CHRM3: variants seen among roughly 807,000 people sequenced by gnomAD.
CHRM3 encodes the protein cholinergic receptor muscarinic 3.
In CHRM3, 11 loss-of-function variants were observed where a neutral mutation model predicts 41.8. The observed-to-expected ratio is 0.26, with a 90% CI of 0.17 to 0.44. CHRM3 has a LOEUF of 0.44. CHRM3 is among the 20% of genes least tolerant of loss of function. The probability of loss-of-function intolerance (pLI) is 1.00; values close to 1 mark genes in which losing one functional copy is unlikely to be tolerated. For synonymous variants in CHRM3, 297 were observed against 301.4 expected, an observed-to-expected ratio of 0.99 and a Z score of 0.15; for missense variants, 571 against 745.4, an observed-to-expected ratio of 0.77 and a Z score of 2.72.
In CHRM3 at chr1:239,575,510, C is replaced by T. The variant is rs916748266; in HGVS notation, c.-313+29761C>T. On this transcript the variant is annotated intron_variant, in intron 3 of 6. Coordinates refer to ENST00000676153, the MANE Select transcript of CHRM3 (RefSeq NM_001375978.1). ...AGTATTTGTTTGGCTTACTGTGTCT[C>T]TGAATTAATAGGGGTTCATGTTTTC... Among the ~76,000 whole-genome samples the T allele has an allele frequency of 3.9e-5, 6 of 152,144 alleles. No homozygotes were observed. In the South Asian group the frequency reaches 1.2e-3, roughly 31 times the overall value.
At chr1:239,564,459 T>C (rs552685621) in intron 3 of CHRM3, among the ~76,000 whole-genome samples, 1 of 152,322 alleles carries the variant, frequency 6.6e-6, no homozygotes, top group Admixed American at 6.5e-5. Context: ...GATTATCTTT[T>C]GTATTTTAAT....
At chr1:239,474,699 G>C (rs913824284) in intron 1 of CHRM3, among the ~76,000 whole-genome samples, 2 of 152,086 alleles carry the variant, frequency 1.3e-5, no homozygotes, top group African/African-American at 4.8e-5. Flanking sequence ...AACTAATTTA[G>C]TGTAGTGAAA....
At chr1:239,572,168 A>G (rs1661888179) in intron 3 of CHRM3, among the ~76,000 whole-genome samples, 1 of 152,182 alleles carries the variant, frequency 6.6e-6, no homozygotes, top group Non-Finnish European at 1.5e-5. Context: ...GCTTCCATAT[A>G]TGCAGGGGAA....
At chr1:239,766,547 T>G (rs1036526522) in intron 5 of CHRM3, among the ~76,000 whole-genome samples, 2 of 152,172 alleles carry the variant, frequency 1.3e-5, no homozygotes, top group Admixed American at 1.3e-4. Flanking sequence ...CAAAAAGGAA[T>G]AAATTAGATG....
At chr1:239,502,755 A>G (rs1333372606) in intron 2 of CHRM3, among the ~76,000 whole-genome samples, 4 of 152,154 alleles carry the variant, frequency 2.6e-5, no homozygotes, top group African/African-American at 9.6e-5. Context: ...TGGGTTTAAC[A>G]TACACAAGTC....
At chr1:239,533,979 T>C (rs1657944128) in intron 2 of CHRM3, among the ~76,000 whole-genome samples, 1 of 152,082 alleles carries the variant, frequency 6.6e-6, no homozygotes, top group African/African-American at 2.4e-5. Context: ...CAGCTCTTGC[T>C]AGTTATGGGG....
intron 6 of CHRM3, among the ~76,000 whole-genome samples, chr1:239,865,032 C>T (rs1675971661): frequency 6.6e-6 from 1 of 152,186 alleles, no homozygotes; most frequent in African/African-American, 2.4e-5. Context: ...AGAATGAAGG[C>T]TGTACCTCGC....
In CHRM3 at chr1:239,875,130, C is replaced by T. The variant is rs113468271; in HGVS notation, c.-19-32303C>T. ...CAGTCATTTGACAAATGTATATTAA[C>T]GCCAGCTTTATTTAAAGCTTTGTGT... is the stretch of plus-strand genomic sequence containing the variant. On this transcript the variant is annotated intron_variant, in intron 6 of 6. Transcript: ENST00000676153. Among the ~76,000 whole-genome samples, 627 of 152,276 alleles carry T rather than the reference C, an allele frequency of 4.1e-3. 6 individuals are homozygous for T. The highest frequency in any genetic ancestry group is 0.014 in the African/African-American group (593 of 41,548).
At chr1:239,642,570 C>T (rs1487899270) in intron 4 of CHRM3, among the ~76,000 whole-genome samples, 1 of 152,214 alleles carries the variant, frequency 6.6e-6, no homozygotes, top group Non-Finnish European at 1.5e-5. Context: ...GCTCCTGAGG[C>T]TTCTGCATTC....
Position 239,908,837 on chromosome 1 carries a change from T to A in CHRM3, c.1386T>A (p.Thr462=). The change falls in exon 7 of 7, where the codon ACT becomes ACA. Residue 462 remains threonine (T), a synonymous_variant. Transcript: ENST00000676153. The surrounding 1 kb of genome is among the most constrained non-coding windows in gnomAD (Gnocchi z 7.2). ...ATLPLSFKEA[T]LAKRFALKTR... ...TACCTCTGTCCTTCAAGGAAGCCACTCTGGCCAAGAGGTTTGCTCTGAAGA... is the reference window on the plus strand; with the variant it reads ...TACCTCTGTCCTTCAAGGAAGCCACACTGGCCAAGAGGTTTGCTCTGAAGA... 1 of 1,614,084 alleles carries A rather than the reference T, an allele frequency of 6.2e-7. No homozygotes were observed. The highest frequency in any genetic ancestry group is 8.5e-7 in the Non-Finnish European group (1 of 1,180,024).
intron 5 of CHRM3, among the ~76,000 whole-genome samples, chr1:239,823,142 G>T (rs920052889): frequency 2.6e-5 from 4 of 152,176 alleles, no homozygotes; most frequent in Non-Finnish European, 5.9e-5. Context: ...TCTAACATTT[G>T]TGCAGCATTT....
At chr1:239,870,413 G>C (rs1676473367) in intron 6 of CHRM3, among the ~76,000 whole-genome samples, 1 of 152,132 alleles carries the variant, frequency 6.6e-6, no homozygotes, top group South Asian at 2.1e-4. Flanking sequence ...ATACGATAAG[G>C]ATTAATGTTT....
At chr1:239,874,602 C>T (rs992818865) in intron 6 of CHRM3, among the ~76,000 whole-genome samples, 4 of 151,654 alleles carry the variant, frequency 2.6e-5, no homozygotes, top group African/African-American at 9.7e-5. Context: ...TTAGAGCACA[C>T]ACACACATTC....
chr1:239,715,705 G>T (rs1662281688), intron 5 of CHRM3, among the ~76,000 whole-genome samples: 1 of 152,084 alleles, frequency 6.6e-6, no homozygotes, highest in South Asian at 2.1e-4. Flanking sequence ...TAAGAGAAAA[G>T]ATATCTCTTC....
chr1:239,552,354 TG>T (rs1423673114), intron 3 of CHRM3, among the ~76,000 whole-genome samples: 1 of 148,062 alleles, frequency 6.8e-6, no homozygotes, highest in Non-Finnish European at 1.5e-5. Context: ...ATTTTATATA[TG>T]TATAGATGAT....
At chr1:239,840,386 A>AT (rs1290097727) in intron 6 of CHRM3, among the ~76,000 whole-genome samples, 1 of 152,212 alleles carries the variant, frequency 6.6e-6, no homozygotes, top group African/African-American at 2.4e-5. Flanking sequence ...CACGGCATTG[A>AT]TTTTGTATTC....
intron 6 of CHRM3, among the ~76,000 whole-genome samples, chr1:239,876,958 C>A (rs954919047): frequency 2.6e-5 from 4 of 152,148 alleles, no homozygotes; most frequent in African/African-American, 7.2e-5. Context: ...TTTGTTTTCA[C>A]CTTCTATGAA....
chr1:239,763,140 G>A (rs1666936716), intron 5 of CHRM3, among the ~76,000 whole-genome samples: 1 of 152,084 alleles, frequency 6.6e-6, no homozygotes, highest in Non-Finnish European at 1.5e-5. Flanking sequence ...GAAGAACAAG[G>A]TGCATATACA....
intron 3 of CHRM3, among the ~76,000 whole-genome samples, chr1:239,591,003 T>A (rs1664072559): frequency 6.6e-6 from 1 of 152,140 alleles, no homozygotes; most frequent in Non-Finnish European, 1.5e-5. Context: ...AGTCTCCCCA[T>A]CACAGTAAGT....
Sources: allele counts gnomAD v4.1 joint callset (sites outside exome capture counted in the v4.1 genomes callset), GRCh38; gene constraint gnomAD v4.1.1; non-coding constraint Gnocchi (gnomAD v3.1); transcripts MANE v1.5; gene names NCBI Gene and HGNC (gene_info 2026-07-23, HGNC 2026-07-21).